The following FAM186A variants were observed in gnomAD, a reference collection of about 807,000 sequenced individuals.
FAM186A encodes the protein family with sequence similarity 186 member A.
Under a neutral mutation model 216.8 loss-of-function variants are expected in FAM186A, and 163 were observed. The observed-to-expected ratio is 0.75, with a 90% CI of 0.66 to 0.86. The LOEUF (loss-of-function observed/expected upper bound fraction) is 0.86. Among genes scored for constraint, FAM186A ranks in the 40% least tolerant of loss-of-function variants. The probability of loss-of-function intolerance (pLI) is 0.00; values close to 1 mark genes in which losing one functional copy is unlikely to be tolerated. For missense variants in FAM186A, 2,184 were observed against 2,746.2 expected, an observed-to-expected ratio of 0.80 and a Z score of 4.58; for synonymous variants, 805 against 1,025.3, an observed-to-expected ratio of 0.79 and a Z score of 4.10.
chr12:50,346,996 TC>T (rs1485762146), intron 4 of FAM186A, among the ~76,000 whole-genome samples: 816 of 29,446 alleles, frequency 0.028, 7 homozygotes, highest in African/African-American at 0.072. Flanking sequence ...AGACTCTGTC[TC>T]AAAAAAAAAA....
intron 1 of FAM186A, among the ~76,000 whole-genome samples, chr12:50,379,963 TGGAA>T (rs985337059): frequency 1.6e-4 from 2 of 12,178 alleles, no homozygotes; most frequent in African/African-American, 1.9e-4. Context: ...GGGGAAAAGG[TGGAA>T]AGAAAGAAGG....
chr12:50,359,876 G>T (rs1295237318), intron 3 of FAM186A, among the ~76,000 whole-genome samples: 1 of 152,196 alleles, frequency 6.6e-6, no homozygotes, highest in Non-Finnish European at 1.5e-5. Flanking sequence ...ACTGTGTGGT[G>T]CTGCTGATGG....
Position 50,356,037 on chromosome 12 carries a change from T to G in FAM186A, c.795A>C (p.Ile265=), listed in dbSNP as rs1942972978. ...NNAIKYISST[I]VNLSTALSML... is the part of the protein sequence containing the mutation. ...TACTCAAAGCTGTAGAAAGGTTTACTATTGTTGATGATATATATTTAATAG... is the reference window on the plus strand; with the variant it reads ...TACTCAAAGCTGTAGAAAGGTTTACGATTGTTGATGATATATATTTAATAG... The change falls in exon 4 of 8, where the codon ATA becomes ATC. Residue 265 remains isoleucine (I), a synonymous_variant. Coordinates refer to ENST00000327337, the MANE Select transcript of FAM186A (RefSeq NM_001145475.3). The G allele has an allele frequency of 6.4e-7, 1 of 1,551,534 alleles. No homozygotes were observed. Among genetic ancestry groups the G allele is most frequent in the African/African-American group, 1.4e-5 (1 of 73,056 alleles).
intron 1 of FAM186A, among the ~76,000 whole-genome samples, chr12:50,380,561 T>C (rs1943244931): frequency 6.7e-6 from 1 of 149,070 alleles, no homozygotes; most frequent in Non-Finnish European, 1.5e-5. Context: ...CTGGGCATGC[T>C]GGTGCATGCC....
At chr12:50,356,388 G>T in intron 3 of FAM186A, 140 bp from the exon 4 acceptor site, 1 of 639,954 alleles carries the variant, frequency 1.6e-6, no homozygotes, top group Non-Finnish European at 2.4e-6. Context: ...GAAAACTTTA[G>T]CTCTAAAATA....
Position 50,354,263 on chromosome 12 carries a change from T to C in FAM186A, c.2569A>G (p.Ile857Val), listed in dbSNP as rs545466708. The stretch of plus-strand genomic sequence containing the variant: ...TTTTTTTCTTCCCAATTCTCACTTA[T>C]CTTCTCATAGTGCTCCTTCAAGAGA... ...RNLLKEHYEK[I>V]SENWEEKKAW... The change falls in exon 4 of 8, where the codon ATA becomes GTA. Residue 857 changes from isoleucine to valine, a missense_variant. This residue lies in a region of FAM186A where 1,132 missense variants were observed against 1,263.4 expected (regional missense o/e 0.90). Coordinates refer to ENST00000327337, the MANE Select transcript of FAM186A (RefSeq NM_001145475.3). 2 of 1,551,688 alleles carry C rather than the reference T, an allele frequency of 1.3e-6. No homozygotes were observed. Among genetic ancestry groups the C allele is most frequent in the East Asian group, 4.9e-5 (2 of 40,928 alleles).
At chr12:50,376,940 G>A (rs1175320947) in intron 1 of FAM186A, among the ~76,000 whole-genome samples, 5 of 151,682 alleles carry the variant, frequency 3.3e-5, no homozygotes, top group Non-Finnish European at 7.4e-5. Flanking sequence ...TTAGAGATGG[G>A]ATCTCACTGT....
At position 50,353,337 on chromosome 12, in the gene FAM186A, C is replaced by T. The variant is rs1196508252; in HGVS notation, c.3495G>A (p.Gln1165=). 4 of 1,538,968 alleles carry T rather than the reference C, an allele frequency of 2.6e-6. No homozygotes were observed. Among genetic ancestry groups the T allele is most frequent in the Non-Finnish European group, 3.5e-6 (4 of 1,141,328 alleles). ...PGISLTTQQA[Q]KLGIPLTPQQ... is the part of the protein sequence containing the mutation. The stretch of plus-strand genomic sequence containing the variant: ...GAGGGGTAAGAGGGATCCCTAGTTT[C>T]TGAGCCTGCTGAGTGGTGAGAGAGA... The change falls in exon 4 of 8, where the codon CAG becomes CAA. Residue 1165 remains glutamine, a synonymous_variant. Coordinates refer to ENST00000327337, the MANE Select transcript of FAM186A (RefSeq NM_001145475.3).
In FAM186A at chr12:50,350,689, G is replaced by C; in HGVS notation, c.6143C>G (p.Ser2048Cys). ...LTLMKPTTSP[S>C]SLTTLLRTSQ... Reference sequence around the variant, plus strand: ...TGTTCTGAGTAGAGTAGTGAGAGAAGATGGTGATGTTGTTGGCTTCATGAG... The same window carrying C: ...TGTTCTGAGTAGAGTAGTGAGAGAACATGGTGATGTTGTTGGCTTCATGAG... Residue 2048 changes from serine (S) to cysteine (C), a missense_variant, in exon 4 of 8, where the codon TCT (serine) becomes TGT (cysteine). Physicochemically the swap from Ser to Cys is moderately radical, Grantham distance 112. This residue lies in a region of FAM186A where 721 missense variants were observed against 816.4 expected (regional missense o/e 0.88). Transcript: ENST00000327337. 6.4e-7 allele frequency: 1 copy of C among 1,551,664 alleles called. No individual in the cohort carries two copies. Among genetic ancestry groups the C allele is most frequent in the Non-Finnish European group, 8.7e-7 (1 of 1,146,990 alleles).
intron 2 of FAM186A, among the ~76,000 whole-genome samples, chr12:50,361,254 G>A (rs1202948480): frequency 5.9e-5 from 9 of 152,062 alleles, no homozygotes; most frequent in African/African-American, 1.4e-4. Context: ...GCTGGAGTGC[G>A]GAGGCGCAAT....
At chr12:50,328,520 A>G (rs1425468391) in intron 7 of FAM186A, among the ~76,000 whole-genome samples, 1 of 139,006 alleles carries the variant, frequency 7.2e-6, no homozygotes, top group East Asian at 2.1e-4. Context: ...ATTTTATTTT[A>G]TTTTTTATTT....
chr12:50,332,003 A>G (rs1386063633), intron 5 of FAM186A, among the ~76,000 whole-genome samples, 182 bp from the exon 6 acceptor site: 1 of 152,150 alleles, frequency 6.6e-6, no homozygotes, highest in African/African-American at 2.4e-5. Flanking sequence ...CTGCTACATA[A>G]AAACCTTTGT....
intron 1 of FAM186A, among the ~76,000 whole-genome samples, chr12:50,381,690 G>A (rs1029296761): frequency 1.3e-5 from 2 of 152,178 alleles, no homozygotes; most frequent in Admixed American, 1.3e-4. Context: ...AGCCAGGCAG[G>A]TTTACATGAT....
At chr12:50,367,377 G>A (rs1181110745) in intron 1 of FAM186A, among the ~76,000 whole-genome samples, 3 of 151,886 alleles carry the variant, frequency 2.0e-5, no homozygotes, top group African/African-American at 4.8e-5. Context: ...AAATAGCTGG[G>A]CATGGTGGCA....
intron 1 of FAM186A, among the ~76,000 whole-genome samples, chr12:50,377,100 A>G (rs1943205346): frequency 6.6e-6 from 1 of 152,134 alleles, no homozygotes; most frequent in South Asian, 2.1e-4. Flanking sequence ...TGGAAGTGGA[A>G]AAAACACAAG....
rs76163659 is a variant in FAM186A, at chr12:50,390,865, T to C, written c.192+5428A>G. 1.8e-4 allele frequency among the ~76,000 whole-genome samples: 27 copies of C among 152,300 alleles called. No homozygotes were observed. In the East Asian group the frequency reaches 5.0e-3, roughly 28 times the overall value. On this transcript the variant is annotated intron_variant, in intron 1 of 7. Coordinates refer to ENST00000327337, the MANE Select transcript of FAM186A (RefSeq NM_001145475.3). The stretch of plus-strand genomic sequence containing the variant: ...CCACCACCCCTGGCTAATTGTTGTA[T>C]GTTTTGTAGAAACAGGGTCTCGCCA...
At position 50,330,717 on chromosome 12, in the gene FAM186A, A is replaced by G; in HGVS notation, c.6890T>C (p.Leu2297Pro). 2 of 1,532,886 alleles carry G rather than the reference A, an allele frequency of 1.3e-6. No individual in the cohort carries two copies. The highest frequency in any genetic ancestry group is 1.8e-6 in the Non-Finnish European group (2 of 1,140,720). 95.0% of individuals were successfully genotyped at this position (1,532,886 alleles called of 1,614,324 possible). A position where few individuals can be genotyped will look rare whatever the true frequency, so the allele number is the denominator to read the frequency against. Residue 2297 changes from leucine to proline, a missense_variant, in exon 7 of 8, where the codon CTG becomes CCG. Physicochemically the swap from Leu to Pro is moderately conservative, Grantham distance 98. Transcript: ENST00000327337. Reference sequence around the variant, plus strand: ...TGCTATTGGGTAGCTTGAAGTGGACAGATCAACATTCCAGATGGCCTCTGT... The same window carrying G: ...TGCTATTGGGTAGCTTGAAGTGGACGGATCAACATTCCAGATGGCCTCTGT... ...DQTEAIWNVD[L>P]STSSYPIAEK... is the part of the protein sequence containing the mutation.
chr12:50,337,293 T>TC (rs1942718406), intron 4 of FAM186A, among the ~76,000 whole-genome samples: 1 of 139,978 alleles, frequency 7.1e-6, no homozygotes, highest in African/African-American at 2.7e-5. Context: ...ATAATTCTTT[T>TC]TTTTTTTTTT....
intron 1 of FAM186A, among the ~76,000 whole-genome samples, chr12:50,386,474 G>A (rs1229830549): frequency 6.6e-6 from 1 of 152,090 alleles, no homozygotes; most frequent in Non-Finnish European, 1.5e-5. Flanking sequence ...GGAAATGCAT[G>A]CATTAAGTAG....
Sources: allele counts gnomAD v4.1 joint callset (sites outside exome capture counted in the v4.1 genomes callset), GRCh38; gene constraint gnomAD v4.1.1; regional missense constraint gnomAD v4.1.1; transcripts MANE v1.5; gene names NCBI Gene and HGNC (gene_info 2026-07-23, HGNC 2026-07-21).